The following MET variants were observed in gnomAD, a reference collection of about 807,000 sequenced individuals.
MET encodes MET proto-oncogene, receptor tyrosine kinase.
In MET, 48 loss-of-function variants were observed where a neutral mutation model predicts 133.1. That is an observed-to-expected ratio of 0.36 (90% CI 0.29 to 0.46). The LOEUF (loss-of-function observed/expected upper bound fraction) is 0.46, where lower values mean the gene tolerates loss of function less well. Ranked by LOEUF, MET falls within the 20% of genes least tolerant of loss-of-function variation. MET has a pLI of 1.00. For synonymous variants in MET, 628 were observed against 616.5 expected (o/e 1.02, Z -0.28); for missense variants, 1,442 against 1,695.9 (o/e 0.85, Z 2.63).
At position 116,796,292 on chromosome 7, in the gene MET, G is replaced by A. The variant is rs1251052402; in HGVS notation, c.*168G>A. On this transcript the variant is annotated 3_prime_UTR_variant, in exon 21 of 21. Coordinates refer to ENST00000397752, the MANE Select transcript of MET (RefSeq NM_000245.4). ...TCTAAGGAATTTCTTATCTGACAGA[G>A]CATCAGAACCAGAGGCTTGGTCCCA... is the stretch of plus-strand genomic sequence containing the variant. The A allele has an allele frequency of 5.7e-6, 4 of 700,156 alleles. No homozygotes were observed. Among genetic ancestry groups the A allele is most frequent in the South Asian group, 1.7e-5 (1 of 58,698 alleles). The allele number at this position is 700,156 out of a possible 1,614,324, so 43.4% of individuals were successfully genotyped here. A position where few individuals can be genotyped will look rare whatever the true frequency, so the allele number is the denominator to read the frequency against.
At chr7:116,684,580 G>A (rs1796479915) in intron 1 of MET, among the ~76,000 whole-genome samples, 1 of 152,212 alleles carries the variant, frequency 6.6e-6, no homozygotes, top group Admixed American at 6.5e-5. Flanking sequence ...GATGAGGCTT[G>A]AAGAGAGAGG....
chr7:116,740,181 T>A (rs2116829853), intron 4 of MET, 97 bp downstream of exon 4: 1 of 1,393,798 alleles, frequency 7.2e-7, no homozygotes. Flanking sequence ...TCTCTCTTCA[T>A]CTTAAATTTA....
chr7:116,741,852 C>T (rs1353198512), intron 5 of MET, among the ~76,000 whole-genome samples: 2 of 152,360 alleles, frequency 1.3e-5, no homozygotes, highest in Middle Eastern at 3.4e-3. Context: ...AAGATGAGCA[C>T]ATCTCTTGCT....
At chr7:116,793,596 G>T (rs1044823415) in intron 19 of MET, among the ~76,000 whole-genome samples, 3 of 151,536 alleles carry the variant, frequency 2.0e-5, no homozygotes, top group African/African-American at 7.3e-5. Flanking sequence ...ATACTTTATG[G>T]TTTAATAAGA....
At chr7:116,774,127 A>T (rs1327107416) in intron 14 of MET, among the ~76,000 whole-genome samples, 3 of 152,196 alleles carry the variant, frequency 2.0e-5, no homozygotes, top group Non-Finnish European at 2.9e-5. Flanking sequence ...ATTGACTATC[A>T]GCACCATTTC....
At chr7:116,676,437 T>C (rs968168784) in intron 1 of MET, among the ~76,000 whole-genome samples, 2 of 152,224 alleles carry the variant, frequency 1.3e-5, no homozygotes, top group Non-Finnish European at 2.9e-5. Flanking sequence ...CTACGAGGCA[T>C]AGTTCTAAAA....
At chr7:116,754,887 GAA>G (rs1794069234) in intron 5 of MET, among the ~76,000 whole-genome samples, 3 of 113,874 alleles carry the variant, frequency 2.6e-5, no homozygotes, top group East Asian at 2.5e-4. Flanking sequence ...GAGAGAGAGA[GAA>G]AGAGAGAAAG....
Position 116,758,536 on chromosome 7 carries a change from A to G in MET, c.2180A>G (p.Asp727Gly), listed in dbSNP as rs767770443. ...STEFAVKLKI[D>G]LANRETSIFS... Reference sequence around the variant, plus strand: ...GAGTTTGCTGTTAAATTGAAAATTGACTTAGCCAACCGAGAGACAAGCATC... The same window carrying G: ...GAGTTTGCTGTTAAATTGAAAATTGGCTTAGCCAACCGAGAGACAAGCATC... Residue 727 changes from aspartate (D) to glycine (G), a missense_variant, in exon 9 of 21, where the codon GAC (aspartate) becomes GGC (glycine). Physicochemically the swap from Asp to Gly is moderately conservative, Grantham distance 94 (BLOSUM62 -1). This residue lies in a region of MET where 514 missense variants were observed against 659.6 expected (regional missense o/e 0.78). Coordinates refer to ENST00000397752, the MANE Select transcript of MET (RefSeq NM_000245.4). 1 of 1,613,832 alleles carries G rather than the reference A, an allele frequency of 6.2e-7. No individual in the cohort carries two copies. Among genetic ancestry groups the G allele is most frequent in the African/African-American group, 1.3e-5 (1 of 74,914 alleles).
chr7:116,699,457 T>A lies in MET; in HGVS notation c.373T>A (p.Tyr125Asn), dbSNP rs2116587208. ...CAACATGGCTCTAGTTGTCGACACC[T>A]ACTATGATGATCAACTCATTAGCTG... The part of the protein sequence containing the change: ...NINMALVVDT[Y>N]YDDQLISCGS... The change falls in exon 2 of 21, where the codon TAC becomes AAC. Residue 125 changes from tyrosine (Y) to asparagine (N), a missense_variant. Physicochemically the swap from Tyr to Asn is moderately radical, Grantham distance 143. Around this residue, in one of 6 missense-constraint regions of MET, gnomAD observed 762 missense variants for 792.4 expected, o/e 0.96. Transcript: ENST00000397752. 1 of 1,614,030 alleles carries A rather than the reference T, an allele frequency of 6.2e-7. No homozygotes were observed. The highest frequency in any genetic ancestry group is 1.3e-5 in the African/African-American group (1 of 75,014).
chr7:116,760,443 G>A (rs1409018322), intron 10 of MET, among the ~76,000 whole-genome samples: 1 of 152,044 alleles, frequency 6.6e-6, no homozygotes, highest in African/African-American at 2.4e-5. Flanking sequence ...TAGAAAGCTT[G>A]GAGTTATTTC....
At chr7:116,755,273 A>G in intron 5 of MET, 82 bp from the exon 6 acceptor site, 11 of 1,451,942 alleles carry the variant, frequency 7.6e-6, no homozygotes, top group Non-Finnish European at 1.1e-5. Context: ...TTAAGGATAT[A>G]CATTTTGTTT....
At chr7:116,689,236 G>A (rs946860788) in intron 1 of MET, among the ~76,000 whole-genome samples, 4 of 152,236 alleles carry the variant, frequency 2.6e-5, no homozygotes, top group African/African-American at 9.6e-5. Context: ...TTTAAAACAT[G>A]TTTTAGATGC....
intron 2 of MET, among the ~76,000 whole-genome samples, chr7:116,701,585 G>A (rs1791581954): frequency 6.6e-6 from 1 of 152,034 alleles, no homozygotes; most frequent in South Asian, 2.1e-4. Flanking sequence ...CTCTTCCAAA[G>A]TCTATGAATA....
chr7:116,763,358 T>C (rs1299352528), intron 11 of MET, 90 bp downstream of exon 11: 5 of 1,153,370 alleles, frequency 4.3e-6, no homozygotes, highest in East Asian at 2.5e-5. Context: ...TACTTGGCCA[T>C]TGTATCTTAT....
In MET at chr7:116,714,744, C is replaced by T. The variant is rs185332853; in HGVS notation, c.1200+14460C>T. Among the ~76,000 whole-genome samples the T allele has an allele frequency of 2.2e-4, 27 of 122,322 alleles. No homozygotes were observed. The South Asian group carries it at 5.0e-3, about 23-fold the overall frequency. 80.2% of individuals were successfully genotyped at this position (122,322 alleles called of 152,430 possible). Reference sequence around the variant, plus strand: ...TTATACAGTTAAACACTCACATGCACGCACACACACACACACACACACACA... The same window carrying T: ...TTATACAGTTAAACACTCACATGCATGCACACACACACACACACACACACA... On this transcript the variant is annotated intron_variant, in intron 2 of 20. Transcript: ENST00000397752.
At chr7:116,783,722 C>T (rs1291339327) in intron 19 of MET, among the ~76,000 whole-genome samples, 1 of 152,196 alleles carries the variant, frequency 6.6e-6, no homozygotes, top group East Asian at 1.9e-4. Flanking sequence ...CAGGCATGAA[C>T]CCTGTCGGCC....
At chr7:116,748,020 C>T (rs565683451) in intron 5 of MET, among the ~76,000 whole-genome samples, 73 of 152,106 alleles carry the variant, frequency 4.8e-4, no homozygotes, top group African/African-American at 1.7e-3. Flanking sequence ...CTGAGGCGGG[C>T]GGATCACAAG....
At chr7:116,705,151 CT>C (rs1391009634) in intron 2 of MET, among the ~76,000 whole-genome samples, 1 of 151,908 alleles carries the variant, frequency 6.6e-6, no homozygotes, top group African/African-American at 2.4e-5. Flanking sequence ...AGTGATGTTT[CT>C]TTATTATGAT....
chr7:116,787,719 T>C (rs894608084), intron 19 of MET, among the ~76,000 whole-genome samples: 9 of 152,220 alleles, frequency 5.9e-5, no homozygotes, highest in African/African-American at 1.9e-4. Context: ...ACACATGAAC[T>C]TTGGGGGACA....
Sources: gnomAD v4.1 joint callset for allele counts (sites outside exome capture counted in the v4.1 genomes callset) on GRCh38, gnomAD v4.1.1 for gene constraint, gnomAD v4.1.1 regional missense constraint, MANE v1.5 for transcripts, NCBI Gene and HGNC (gene_info 2026-07-23, HGNC 2026-07-21) for gene names.